Variants in RAD54L observed in about 807,000 individuals in gnomAD.
RAD54L encodes the protein DNA repair and recombination protein RAD54-like.
Under a neutral mutation model 91.6 loss-of-function variants are expected in RAD54L, and 74 were observed. The ratio of observed to expected loss-of-function variants is 0.81; its 90% confidence interval spans 0.67 to 0.98. The LOEUF is 0.98. Among genes scored for constraint, RAD54L ranks in the 50% least tolerant of loss-of-function variants. The pLI, the probability that RAD54L is intolerant of heterozygous loss-of-function variation, is 0.00. For missense variants in RAD54L, 887 were observed against 945.7 expected, an observed-to-expected ratio of 0.94 and a Z score of 0.81; for synonymous variants, 304 against 349.7, an observed-to-expected ratio of 0.87 and a Z score of 1.46.
At chr1:46,274,405 G>A in intron 15 of RAD54L, 133 bp from the exon 16 acceptor site, 6 of 1,298,578 alleles carry the variant, frequency 4.6e-6, no homozygotes, top group Non-Finnish European at 6.7e-6. Flanking sequence ...GCTGGCTGGT[G>A]AGCAGATAAA....
intron 4 of RAD54L, 80 bp from the exon 5 acceptor site, chr1:46,259,884 G>A (rs1012430587): frequency 6.3e-7 from 1 of 1,594,530 alleles, no homozygotes; most frequent in African/African-American, 1.3e-5. Flanking sequence ...GAAAGGTTAT[G>A]TGAAGGACAA....
chr1:46,261,274 C>T lies in RAD54L; in HGVS notation c.780C>T (p.Asn260=), dbSNP rs2148289189. Residue 260 remains asparagine, a synonymous_variant, in exon 8 of 18, where the codon AAC becomes AAT. Transcript: ENST00000371975. ...TTTCTGTTGTAGAAGGATTCATGAA[C>T]CAGCGTGGAGCCAGGGTGTCTTCTC... The part of the protein sequence containing the change: ...EIDQKLEGFM[N]QRGARVSSPI... 1 of 1,609,302 alleles carries T rather than the reference C, an allele frequency of 6.2e-7. No homozygotes were observed. Among genetic ancestry groups the T allele is most frequent in the Non-Finnish European group, 8.5e-7 (1 of 1,178,210 alleles).
Position 46,248,069 on chromosome 1 carries a change from T to C in RAD54L, c.-337T>C. On this transcript the variant is annotated 5_prime_UTR_variant, in exon 1 of 18. Coordinates refer to ENST00000371975, the MANE Select transcript of RAD54L (RefSeq NM_003579.4). ...CCCCGCCGCGCAACTACCTCCTCCC[T>C]TCACCCGGACTGGGACCATCATCCC... is the stretch of plus-strand genomic sequence containing the variant. 6 of 77,700 alleles carry C rather than the reference T, an allele frequency of 7.7e-5. No individual in the cohort carries two copies. Among genetic ancestry groups the C allele is most frequent in the South Asian group, 1.7e-4 (1 of 5,890 alleles). 4.8% of individuals were successfully genotyped at this position (77,700 alleles called of 1,614,324 possible). A position where few individuals can be genotyped will look rare whatever the true frequency, so the allele number is the denominator to read the frequency against.
In RAD54L at chr1:46,272,050, T is replaced by TTTTTTTTTTG. The variant is rs1660446844; in HGVS notation, c.1170-415_1170-406dup. Among the ~76,000 whole-genome samples, 2 of 126,118 alleles carry TTTTTTTTTTG rather than the reference T, an allele frequency of 1.6e-5. 1 individual carries two copies. Among genetic ancestry groups the TTTTTTTTTTG allele is most frequent in the African/African-American group, 6.0e-5 (2 of 33,574 alleles). 82.7% of individuals were successfully genotyped at this position (126,118 alleles called of 152,430 possible). On this transcript the variant is annotated intron_variant, in intron 10 of 17. Coordinates refer to ENST00000371975, the MANE Select transcript of RAD54L (RefSeq NM_003579.4). ...CTTTTTTTTTTTTTTTTTTTTTTTTTTTTTTTTTTGAGATGGAGTCTTGCT... is the reference window on the plus strand; with the variant it reads ...CTTTTTTTTTTTTTTTTTTTTTTTTTTTTTTTTTTGTTTTTTTTTGAGATGGAGTCTTGCT...
At chr1:46,260,206 G>A (rs899281650) in intron 5 of RAD54L, 107 bp downstream of exon 5, 3 of 1,522,704 alleles carry the variant, frequency 2.0e-6, no homozygotes, top group African/African-American at 1.4e-5. Context: ...ATTGACATAT[G>A]TTTTCAGAGA....
intron 3 of RAD54L, among the ~76,000 whole-genome samples, chr1:46,255,490 TC>T (rs1192375745): frequency 3.7e-5 from 5 of 135,530 alleles, no homozygotes; most frequent in African/African-American, 1.3e-4. Context: ...GGTTGGCCAT[TC>T]CTTTTTTTTT....
In RAD54L at chr1:46,266,051, G is replaced by C. The variant is rs72901053; in HGVS notation, c.892-1408G>C. Among the ~76,000 whole-genome samples, 1,248 of 152,338 alleles carry C rather than the reference G, an allele frequency of 8.2e-3. 19 individuals are homozygous for C. The highest frequency in any genetic ancestry group is 0.037 in the Middle Eastern group (11 of 294). On this transcript the variant is annotated intron_variant, in intron 8 of 17. Coordinates refer to ENST00000371975, the MANE Select transcript of RAD54L (RefSeq NM_003579.4). The stretch of plus-strand genomic sequence containing the variant: ...TATAGTGCCACAGGAGCACAGAGTT[G>C]AGAGAGACAAGCAGCCTGGAGTCAC...
intron 8 of RAD54L, among the ~76,000 whole-genome samples, chr1:46,264,917 C>T (rs1052064896): frequency 1.3e-5 from 2 of 152,182 alleles, no homozygotes; most frequent in Admixed American, 6.6e-5. Context: ...CTGGGGTTGG[C>T]TTTCTCTTTT....
chr1:46,265,581 TTA>T lies in RAD54L; in HGVS notation c.892-1877_892-1876del. 6.6e-6 allele frequency among the ~76,000 whole-genome samples: 1 copy of T among 152,306 alleles called. No individual in the cohort carries two copies. The highest frequency in any genetic ancestry group is 1.5e-5 in the Non-Finnish European group (1 of 68,034). ...GAGCCACCATGCCCCGTTGGTTTAT[TTA>T]ATCTTTAATAGCAACATTGGTCATT... On this transcript the variant is annotated intron_variant, in intron 8 of 17. Transcript: ENST00000371975. The surrounding 1 kb of genome is among the most constrained non-coding windows in gnomAD (Gnocchi z 4.8).
chr1:46,268,503 A>C (rs1027701460), intron 9 of RAD54L, among the ~76,000 whole-genome samples: 4 of 152,124 alleles, frequency 2.6e-5, no homozygotes, highest in Admixed American at 2.6e-4. Context: ...CCATCAGATG[A>C]ATTACTAACA....
Position 46,248,265 on chromosome 1 carries a change from G to T in RAD54L, c.-141G>T. The T allele has an allele frequency of 9.2e-7, 1 of 1,082,316 alleles. No homozygotes were observed. Among genetic ancestry groups the T allele is most frequent in the Non-Finnish European group, 1.4e-6 (1 of 717,782 alleles). The allele number at this position is 1,082,316 out of a possible 1,614,324, so 67.0% of individuals were successfully genotyped here. On this transcript the variant is annotated 5_prime_UTR_variant, in exon 1 of 18. It removes an upstream start codon present in the reference 5' UTR. Transcript: ENST00000371975. ...TCCTGGATGGATTCCCGCCATCCATGCCCCCTCTTTAATTAGCCGGTCCTC... is the reference window on the plus strand; with the variant it reads ...TCCTGGATGGATTCCCGCCATCCATTCCCCCTCTTTAATTAGCCGGTCCTC...
chr1:46,258,183 T>G (rs1450137525), intron 3 of RAD54L, among the ~76,000 whole-genome samples: 3 of 152,074 alleles, frequency 2.0e-5, no homozygotes, highest in East Asian at 1.9e-4. Context: ...CGGCCTGGTG[T>G]TGTTAATATT....
chr1:46,271,039 T>C (rs1414745535), intron 10 of RAD54L, among the ~76,000 whole-genome samples: 1 of 152,224 alleles, frequency 6.6e-6, no homozygotes, highest in Non-Finnish European at 1.5e-5. Context: ...CTGATGCTGC[T>C]GGACTTCTTG....
At chr1:46,267,438 T>C (rs184907804) in intron 8 of RAD54L, 21 bp from the exon 9 acceptor site, 1 of 1,613,634 alleles carries the variant, frequency 6.2e-7, no homozygotes, top group East Asian at 2.2e-5. Flanking sequence ...CATTGCGCTC[T>C]GAATAAGGAT....
intron 15 of RAD54L, 83 bp from the exon 16 acceptor site, chr1:46,274,455 A>G: frequency 5.4e-6 from 8 of 1,491,278 alleles, no homozygotes; most frequent in Non-Finnish European, 7.5e-6. Flanking sequence ...GTATAGAGGC[A>G]TGAGGGAGGA....
chr1:46,258,789 C>T (rs754262014), intron 4 of RAD54L, 43 bp downstream of exon 4: 12 of 1,409,684 alleles, frequency 8.5e-6, no homozygotes, highest in African/African-American at 2.8e-5. Flanking sequence ...GTCATATGTA[C>T]GTGTGCCTGA....
intron 16 of RAD54L, chr1:46,277,530 GC>G: frequency 2.1e-6 from 1 of 484,876 alleles, no homozygotes; most frequent in Non-Finnish European, 3.8e-6. Flanking sequence ...ATCTGAAGCT[GC>G]AGCAGACAAA....
intron 15 of RAD54L, 86 bp downstream of exon 15, chr1:46,274,302 ATT>A (rs375364553): frequency 1.3e-3 from 1,543 of 1,168,822 alleles, no homozygotes; most frequent in Non-Finnish European, 1.6e-3. Context: ...GGTTACCTTG[ATT>A]TTTTTTTTTT....
rs1037331096 is a variant in RAD54L, at chr1:46,263,582, C to T, written c.891+2197C>T. On this transcript the variant is annotated intron_variant, in intron 8 of 17. Coordinates refer to ENST00000371975, the MANE Select transcript of RAD54L (RefSeq NM_003579.4). This position sits in a 1 kb window ranked among gnomAD's most constrained non-coding sequence, Gnocchi z 4.3. ...GAGCTATTTTCTGGTCAGTCATTGG[C>T]GGGTCTTCAAACTCCCAACTTCCTG... Among the ~76,000 whole-genome samples, 13 of 152,162 alleles carry T rather than the reference C, an allele frequency of 8.5e-5. No homozygotes were observed. The highest frequency in any genetic ancestry group is 1.2e-4 in the African/African-American group (5 of 41,524).
Sources: gnomAD v4.1 joint callset for allele counts (sites outside exome capture counted in the v4.1 genomes callset) on GRCh38, gnomAD v4.1.1 for gene constraint, Gnocchi (gnomAD v3.1) non-coding constraint, MANE v1.5 for transcripts, NCBI Gene and HGNC (gene_info 2026-07-23, HGNC 2026-07-21) for gene names.